ASAP1: variants seen among roughly 807,000 people sequenced by gnomAD.
ASAP1 encodes arf-GAP with SH3 domain, ANK repeat and PH domain-containing protein 1.
In ASAP1, 43 loss-of-function variants were observed where a neutral mutation model predicts 145.2. The observed-to-expected ratio is 0.30, with a 90% CI of 0.23 to 0.38. The LOEUF (loss-of-function observed/expected upper bound fraction) is 0.38, where lower values mean the gene tolerates loss of function less well. Among genes scored for constraint, ASAP1 ranks in the 10% least tolerant of loss-of-function variants. The pLI, the probability that ASAP1 is intolerant of heterozygous loss-of-function variation, is 1.00. For missense variants in ASAP1, 1,018 were observed against 1,355.3 expected (o/e 0.75, Z 3.91); for synonymous variants, 546 against 515.5 (o/e 1.06, Z -0.80).
chr8:130,179,214 A>AC (rs1814179073), intron 9 of ASAP1, 50 bp downstream of exon 9: 1 of 1,142,220 alleles, frequency 8.8e-7, no homozygotes, highest in Non-Finnish European at 1.3e-6. Context: ...ATAATGAAGT[A>AC]CAGGGGGCAG....
intron 17 of ASAP1, among the ~76,000 whole-genome samples, chr8:130,124,650 A>C (rs1179339618): frequency 6.6e-6 from 1 of 152,206 alleles, no homozygotes; most frequent in African/African-American, 2.4e-5. Flanking sequence ...TGGGTTCAAG[A>C]GCATTCTAAG....
intron 1 of ASAP1, among the ~76,000 whole-genome samples, chr8:130,428,421 C>CCATCCT (rs1830007362): frequency 1.9e-3 from 2 of 1,062 alleles, no homozygotes; most frequent in African/African-American, 3.6e-3. Flanking sequence ...ACCACCATCA[C>CCATCCT]CATCATCATC....
At chr8:130,368,534 G>A (rs1427643320) in intron 2 of ASAP1, among the ~76,000 whole-genome samples, 1 of 152,186 alleles carries the variant, frequency 6.6e-6, no homozygotes, top group Non-Finnish European at 1.5e-5. Context: ...GCTGGACCCA[G>A]GCTGTCCAAT....
At chr8:130,163,885 T>C (rs2097674709) in intron 11 of ASAP1, among the ~76,000 whole-genome samples, 1 of 152,224 alleles carries the variant, frequency 6.6e-6, no homozygotes, top group South Asian at 2.1e-4. Flanking sequence ...ACTTTCTTAT[T>C]TGAAAATCTT....
intron 3 of ASAP1, among the ~76,000 whole-genome samples, chr8:130,321,169 T>A (rs1823980345): frequency 6.6e-6 from 1 of 152,124 alleles, no homozygotes; most frequent in South Asian, 2.1e-4. Flanking sequence ...GTCAATCTCC[T>A]GCCCCCAAAA....
chr8:130,187,329 T>C (rs775632615), intron 6 of ASAP1, 44 bp from the exon 7 acceptor site: 5 of 1,455,392 alleles, frequency 3.4e-6, no homozygotes, highest in Admixed American at 1.8e-5. Flanking sequence ...CTACTTTTGC[T>C]GAAAATTAAT....
At chr8:130,393,031 C>A (rs1416192701) in intron 2 of ASAP1, among the ~76,000 whole-genome samples, 6 of 151,998 alleles carry the variant, frequency 3.9e-5, no homozygotes, top group African/African-American at 1.4e-4. Context: ...TTTTTTTTAA[C>A]ATGACAGTTA....
At chr8:130,210,764 G>T (rs1228993351) in intron 5 of ASAP1, among the ~76,000 whole-genome samples, 3 of 152,152 alleles carry the variant, frequency 2.0e-5, no homozygotes, top group South Asian at 2.1e-4. Flanking sequence ...CATTTTGCAG[G>T]TATATATTTT....
At chr8:130,439,510 A>G (rs1199705235) in intron 1 of ASAP1, among the ~76,000 whole-genome samples, 1 of 152,202 alleles carries the variant, frequency 6.6e-6, no homozygotes, top group Non-Finnish European at 1.5e-5. Flanking sequence ...CATTTGTCGA[A>G]TTTACCCTTA....
intron 3 of ASAP1, among the ~76,000 whole-genome samples, chr8:130,277,375 G>A (rs1820978444): frequency 6.6e-6 from 1 of 152,180 alleles, no homozygotes; most frequent in African/African-American, 2.4e-5. Context: ...TTCATATCCA[G>A]TGAATTTAAG....
At chr8:130,414,705 A>G (rs1251760372) in intron 1 of ASAP1, among the ~76,000 whole-genome samples, 1 of 151,826 alleles carries the variant, frequency 6.6e-6, no homozygotes, top group African/African-American at 2.4e-5. Context: ...TTTTTTCTTG[A>G]TATACGTGTC....
intron 3 of ASAP1, among the ~76,000 whole-genome samples, chr8:130,260,284 A>C (rs1239658405): frequency 1.3e-5 from 2 of 151,966 alleles, no homozygotes; most frequent in Non-Finnish European, 2.9e-5. Flanking sequence ...ATCACTGTGC[A>C]CTCTGATTGT....
chr8:130,388,381 T>G (rs1828121812), intron 2 of ASAP1, among the ~76,000 whole-genome samples: 3 of 152,126 alleles, frequency 2.0e-5, no homozygotes. Flanking sequence ...GGGTGCAGCA[T>G]GAGCTGCAAG....
intron 1 of ASAP1, among the ~76,000 whole-genome samples, chr8:130,417,404 G>A (rs1459846834): frequency 1.3e-5 from 2 of 152,250 alleles, no homozygotes; most frequent in Non-Finnish European, 2.9e-5. Flanking sequence ...GACTTCATGT[G>A]CTGGGTCGGG....
At chr8:130,344,800 C>T (rs1418340774) in intron 3 of ASAP1, among the ~76,000 whole-genome samples, 1 of 151,972 alleles carries the variant, frequency 6.6e-6, no homozygotes, top group Non-Finnish European at 1.5e-5. Context: ...AGTAAAAAAC[C>T]ACTTGGAGGA....
intron 7 of ASAP1, among the ~76,000 whole-genome samples, chr8:130,184,509 C>T (rs1419898349): frequency 3.3e-5 from 5 of 152,176 alleles, no homozygotes; most frequent in Admixed American, 1.3e-4. Context: ...TTGTAAAGAA[C>T]CCTGTACCAT....
At chr8:130,097,768 TC>T (rs2097521766) in intron 24 of ASAP1, among the ~76,000 whole-genome samples, 1 of 141,582 alleles carries the variant, frequency 7.1e-6, no homozygotes, top group Non-Finnish European at 1.6e-5. Flanking sequence ...TGAGACTCTC[TC>T]CCAGGAACTG....
At chr8:130,260,304 A>G (rs2136962695) in intron 3 of ASAP1, among the ~76,000 whole-genome samples, 1 of 152,232 alleles carries the variant, frequency 6.6e-6, no homozygotes. Flanking sequence ...TTGGGCTACT[A>G]GACCATAAAT....
At chr8:130,268,765 G>A (rs1474800672) in intron 3 of ASAP1, among the ~76,000 whole-genome samples, 1 of 152,122 alleles carries the variant, frequency 6.6e-6, no homozygotes, top group Non-Finnish European at 1.5e-5. Context: ...TTAGAGGGGA[G>A]GCATTCAGGC....
Sources: allele counts gnomAD v4.1 joint callset (sites outside exome capture counted in the v4.1 genomes callset), GRCh38; gene constraint gnomAD v4.1.1; transcripts MANE v1.5; gene names NCBI Gene and HGNC (gene_info 2026-07-23, HGNC 2026-07-21).